The following FBXW11 variants were observed in gnomAD, a reference collection of about 807,000 sequenced individuals.
The protein encoded by FBXW11 is F-box and WD repeat domain containing 11, also known as F-box/WD repeat-containing protein 11.
A neutral mutation model predicts 77.6 loss-of-function variants in FBXW11; 19 were observed. The observed-to-expected ratio is 0.24, with a 90% confidence interval of 0.17 to 0.36. FBXW11 has a LOEUF of 0.36. FBXW11 is among the 10% of genes least tolerant of loss of function. The pLI is 1.00. For missense variants in FBXW11, 334 were observed against 704.2 expected (o/e 0.47, Z 5.95); for synonymous variants, 235 against 249.4 (o/e 0.94, Z 0.54).
intron 6 of FBXW11, 66 bp from the exon 7 acceptor site, chr5:171,891,670 T>C (rs1431691957): frequency 1.3e-6 from 2 of 1,515,906 alleles, no homozygotes; most frequent in African/African-American, 1.4e-5. Context: ...GTTTCAGACT[T>C]TGGCGTTGCT....
At chr5:171,972,759 G>A (rs890332839) in intron 1 of FBXW11, among the ~76,000 whole-genome samples, 2 of 151,920 alleles carry the variant, frequency 1.3e-5, no homozygotes, top group African/African-American at 4.8e-5. Flanking sequence ...TGGCCAGGCT[G>A]GTCTTGAACT....
rs1757193681 is a variant in FBXW11 at position 171,863,251 on chromosome 5, G to C, written c.*876C>G. 6.5e-6 allele frequency: 1 copy of C among 152,714 alleles called. No homozygotes were observed. Among genetic ancestry groups the C allele is most frequent in the Non-Finnish European group, 1.5e-5 (1 of 68,050 alleles). The allele number at this position is 152,714 out of a possible 1,614,324, so 9.5% of individuals were successfully genotyped here. On this transcript the variant is annotated 3_prime_UTR_variant, in exon 14 of 14. Coordinates refer to ENST00000517395, the MANE Select transcript of FBXW11 (RefSeq NM_001378974.1). ...ACATCAACCCAGGTATCAGGTTCTT[G>C]AGCCCAGCCCATGGCTAAGTGCGAA...
At chr5:171,937,646 G>A (rs1762543889) in intron 2 of FBXW11, among the ~76,000 whole-genome samples, 1 of 151,840 alleles carries the variant, frequency 6.6e-6, no homozygotes, top group African/African-American at 2.4e-5. Flanking sequence ...GATCAACATG[G>A]TGAAACCCCG....
chr5:171,868,059 A>G (rs1427182606), intron 13 of FBXW11: 1 of 152,174 alleles, frequency 6.6e-6, no homozygotes, highest in Non-Finnish European at 1.5e-5. Flanking sequence ...AACCAGAGGA[A>G]AGGACTTTGC....
At chr5:171,925,659 T>C (rs1477172182) in intron 2 of FBXW11, among the ~76,000 whole-genome samples, 1 of 152,206 alleles carries the variant, frequency 6.6e-6, no homozygotes, top group Non-Finnish European at 1.5e-5. Context: ...TTTTTTATTT[T>C]TCTTTTATGG....
At position 171,910,771 on chromosome 5, in the gene FBXW11, G is replaced by A. The variant is rs138697825; in HGVS notation, c.237C>T (p.Ile79=). The change falls in exon 4 of 14, where the codon ATC becomes ATT. Residue 79 remains isoleucine, a synonymous_variant. Coordinates refer to ENST00000517395, the MANE Select transcript of FBXW11 (RefSeq NM_001378974.1). The part of the protein sequence containing the change: ...WQISNGTSSV[I]VSRKRPSEGN... ...CTTCTGATGGCCTCTTTCTGGAGACGATCACAGATGATGTTCCATTACTTA... is the reference window on the plus strand; with the variant it reads ...CTTCTGATGGCCTCTTTCTGGAGACAATCACAGATGATGTTCCATTACTTA... The A allele has an allele frequency of 6.2e-5, 99 of 1,605,666 alleles. No homozygotes were observed. The highest frequency in any genetic ancestry group is 2.2e-4 in the African/African-American group (16 of 74,352).
At chr5:171,932,256 C>T (rs1200866150) in intron 2 of FBXW11, among the ~76,000 whole-genome samples, 1 of 152,218 alleles carries the variant, frequency 6.6e-6, no homozygotes, top group East Asian at 1.9e-4. Context: ...ACAGTCACTT[C>T]ACCAGAAAAG....
chr5:171,873,138 G>T (rs572623819), intron 9 of FBXW11, 148 bp from the exon 10 acceptor site: 4 of 658,906 alleles, frequency 6.1e-6, no homozygotes, highest in Middle Eastern at 3.4e-4. Context: ...TGGGAGGCTG[G>T]GGGGCAGACT....
At chr5:171,923,133 C>T (rs961108279) in intron 2 of FBXW11, among the ~76,000 whole-genome samples, 1 of 152,166 alleles carries the variant, frequency 6.6e-6, no homozygotes, top group Non-Finnish European at 1.5e-5. Flanking sequence ...AGGCTAGTCT[C>T]GAACTCCTGG....
intron 2 of FBXW11, among the ~76,000 whole-genome samples, chr5:171,920,528 C>A (rs1761534091): frequency 6.6e-6 from 1 of 151,534 alleles, no homozygotes. Context: ...GAGTTTGAGA[C>A]CATCCTGCAC....
chr5:171,926,525 G>A (rs1226318192), intron 2 of FBXW11, among the ~76,000 whole-genome samples: 1 of 152,188 alleles, frequency 6.6e-6, no homozygotes, highest in Admixed American at 6.5e-5. Context: ...CGTGGCATGA[G>A]TGAGTGAGTT....
intron 2 of FBXW11, among the ~76,000 whole-genome samples, chr5:171,951,347 G>A (rs1763302783): frequency 6.6e-6 from 1 of 152,020 alleles, no homozygotes; most frequent in East Asian, 1.9e-4. Context: ...ACCAGCCTGG[G>A]CAATATATCA....
intron 1 of FBXW11, among the ~76,000 whole-genome samples, chr5:172,005,390 G>A (rs1766677878): frequency 6.6e-6 from 1 of 152,174 alleles, no homozygotes; most frequent in Non-Finnish European, 1.5e-5. Flanking sequence ...GCTCTCCAGA[G>A]CCCAATTTGA....
intron 9 of FBXW11, among the ~76,000 whole-genome samples, chr5:171,875,612 G>A (rs572015989): frequency 1.8e-4 from 27 of 152,030 alleles, no homozygotes; most frequent in Non-Finnish European, 3.4e-4. Context: ...ACTATATCTC[G>A]GTAAAGATGT....
intron 1 of FBXW11, among the ~76,000 whole-genome samples, chr5:171,967,071 T>C (rs1172525328): frequency 6.6e-6 from 1 of 152,222 alleles, no homozygotes; most frequent in Non-Finnish European, 1.5e-5. Context: ...TTAAACTCCG[T>C]AGAGCAGCAA....
At chr5:171,991,298 T>C (rs778644602) in intron 1 of FBXW11, among the ~76,000 whole-genome samples, 2 of 152,156 alleles carry the variant, frequency 1.3e-5, no homozygotes, top group Admixed American at 1.3e-4. Context: ...AGTGAATATG[T>C]AAGGTGAAAA....
chr5:171,954,125 T>C (rs1304225425), intron 2 of FBXW11, among the ~76,000 whole-genome samples: 4 of 152,218 alleles, frequency 2.6e-5, no homozygotes, highest in Admixed American at 2.0e-4. Flanking sequence ...CAAGACAACT[T>C]GCCAGTCTAT....
At chr5:172,004,646 C>T (rs759900289) in intron 1 of FBXW11, among the ~76,000 whole-genome samples, 1 of 152,010 alleles carries the variant, frequency 6.6e-6, no homozygotes, top group Non-Finnish European at 1.5e-5. Context: ...AAAGAGGCAC[C>T]AAGTTACAAT....
chr5:171,867,340 ATT>A (rs1757464282), intron 13 of FBXW11, among the ~76,000 whole-genome samples: 1 of 152,214 alleles, frequency 6.6e-6, no homozygotes, highest in Non-Finnish European at 1.5e-5. Context: ...ACAAATGTTT[ATT>A]TATGAACACT....
Sources: gnomAD v4.1 joint callset for allele counts (sites outside exome capture counted in the v4.1 genomes callset) on GRCh38, gnomAD v4.1.1 for gene constraint, MANE v1.5 for transcripts, NCBI Gene and HGNC (gene_info 2026-07-23, HGNC 2026-07-21) for gene names.